Variants in SUMF1 observed in about 807,000 individuals in gnomAD.
The protein encoded by SUMF1 is sulfatase modifying factor 1.
SUMF1 carries 48 observed loss-of-function variants against 47.6 expected under a neutral mutation model. The observed-to-expected ratio is 1.01, with a 90% CI of 0.80 to 1.28. SUMF1 has a LOEUF of 1.28. Ranked by LOEUF, SUMF1 falls within the 50% of genes most tolerant of loss-of-function variation. The pLI, the probability that SUMF1 is intolerant of heterozygous loss-of-function variation, is 0.00. For missense variants in SUMF1, 571 were observed against 485.4 expected (o/e 1.18, Z -1.66); for synonymous variants, 230 against 192.1 (o/e 1.20, Z -1.63).
At chr3:4,216,984 T>C (rs1695939205) in intron 8 of SUMF1, among the ~76,000 whole-genome samples, 1 of 152,114 alleles carries the variant, frequency 6.6e-6, no homozygotes, top group Non-Finnish European at 1.5e-5. Flanking sequence ...GAACCAGAAA[T>C]ACCAGTTGAC....
intron 8 of SUMF1, among the ~76,000 whole-genome samples, chr3:4,322,823 A>C (rs1698865091): frequency 6.6e-6 from 1 of 152,176 alleles, no homozygotes; most frequent in South Asian, 2.1e-4. Context: ...CACATGTCCC[A>C]GTAACTCCCC....
chr3:4,372,588 A>G (rs1348992093), intron 8 of SUMF1, among the ~76,000 whole-genome samples: 2 of 152,186 alleles, frequency 1.3e-5, no homozygotes, highest in Non-Finnish European at 2.9e-5. Context: ...AGCCTTTACC[A>G]TAAGCTAAGC....
intron 8 of SUMF1, among the ~76,000 whole-genome samples, chr3:4,236,668 A>C (rs1696417052): frequency 6.6e-6 from 1 of 152,128 alleles, no homozygotes; most frequent in African/African-American, 2.4e-5. Context: ...GAAAGTACAG[A>C]GTTCTCATAT....
At chr3:4,403,671 A>T (rs1701285494) in intron 7 of SUMF1, among the ~76,000 whole-genome samples, 1 of 152,196 alleles carries the variant, frequency 6.6e-6, no homozygotes, top group Admixed American at 6.5e-5. Flanking sequence ...TGACACTTCA[A>T]GGAGGATTTG....
At chr3:4,329,893 C>T (rs1263438314) in intron 8 of SUMF1, among the ~76,000 whole-genome samples, 1 of 152,066 alleles carries the variant, frequency 6.6e-6, no homozygotes, top group Non-Finnish European at 1.5e-5. Flanking sequence ...ATGCTTTTAA[C>T]AATACCCAAG....
chr3:4,158,295 G>A (rs1694499192), intron 8 of SUMF1, among the ~76,000 whole-genome samples: 1 of 151,510 alleles, frequency 6.6e-6, no homozygotes. Flanking sequence ...TTATTTCATT[G>A]TGTTCAGAGA....
chr3:4,312,360 CAA>C (rs993196797), intron 8 of SUMF1, among the ~76,000 whole-genome samples: 3 of 151,926 alleles, frequency 2.0e-5, no homozygotes, highest in Non-Finnish European at 1.5e-5. Flanking sequence ...AAGAGGGAAA[CAA>C]AAGAAGTTAC....
At chr3:4,147,312 T>G (rs1369220984) in intron 8 of SUMF1, among the ~76,000 whole-genome samples, 1 of 152,182 alleles carries the variant, frequency 6.6e-6, no homozygotes, top group African/African-American at 2.4e-5. Flanking sequence ...ATCCCATTAC[T>G]GGGTATATAC....
chr3:4,205,987 G>A (rs1396594627), intron 8 of SUMF1, among the ~76,000 whole-genome samples: 1 of 152,020 alleles, frequency 6.6e-6, no homozygotes, highest in Non-Finnish European at 1.5e-5. Flanking sequence ...GATGAATCTT[G>A]CAAGGACTGA....
At chr3:4,261,292 G>C (rs1697080013) in intron 8 of SUMF1, among the ~76,000 whole-genome samples, 1 of 152,136 alleles carries the variant, frequency 6.6e-6, no homozygotes, top group African/African-American at 2.4e-5. Flanking sequence ...GGACTTACTT[G>C]AACAGTAACA....
intron 3 of SUMF1, among the ~76,000 whole-genome samples, chr3:4,420,400 T>TC (rs1701854437): frequency 6.7e-6 from 1 of 150,318 alleles, no homozygotes. Context: ...TATAAGAATT[T>TC]TTTTTTTTTT....
chr3:4,140,513 C>A (rs913409429), intron 8 of SUMF1, among the ~76,000 whole-genome samples: 10 of 152,126 alleles, frequency 6.6e-5, no homozygotes, highest in African/African-American at 2.2e-4. Context: ...CCTTTGGACT[C>A]ATCTGTTCCT....
intron 8 of SUMF1, among the ~76,000 whole-genome samples, chr3:4,161,842 C>G (rs1355440367): frequency 6.6e-6 from 1 of 151,996 alleles, no homozygotes; most frequent in Non-Finnish European, 1.5e-5. Flanking sequence ...GTCCCCTTTA[C>G]TCTTCCCTAT....
At chr3:4,356,489 G>A (rs1699620898), downstream of SUMF1, among the ~76,000 whole-genome samples, 1 of 152,092 alleles carries the variant, frequency 6.6e-6, no homozygotes, top group Non-Finnish European at 1.5e-5. Context: ...TGAGGTCCCT[G>A]GGCAAGCCAC....
At chr3:4,122,164 C>T (rs1386230022) in intron 8 of SUMF1, among the ~76,000 whole-genome samples, 3 of 152,066 alleles carry the variant, frequency 2.0e-5, no homozygotes, top group African/African-American at 7.2e-5. Flanking sequence ...GTGAATACAG[C>T]AGCAGCACTA....
chr3:4,128,806 T>C (rs1574908171), intron 8 of SUMF1, among the ~76,000 whole-genome samples: 1 of 152,062 alleles, frequency 6.6e-6, no homozygotes, highest in South Asian at 2.1e-4. Context: ...GGAAGGAACA[T>C]AGAGTTGGAT....
chr3:4,390,090 G>A (rs562205466), intron 7 of SUMF1, among the ~76,000 whole-genome samples: 1 of 152,300 alleles, frequency 6.6e-6, no homozygotes, highest in South Asian at 2.1e-4. Flanking sequence ...TTAACACCCT[G>A]TTTTAGCTGT....
Position 4,257,916 on chromosome 3 carries a change from A to C in SUMF1, c.1014+118414T>G, listed in dbSNP as rs1475048921. Among the ~76,000 whole-genome samples the C allele has an allele frequency of 9.7e-4, 147 of 151,770 alleles. 1 individual carries two copies. In the East Asian group the frequency reaches 0.011, roughly 11 times the overall value. The stretch of plus-strand genomic sequence containing the variant: ...ATGGTACTGGTACCAAAACAGAGAT[A>C]TAGATCAATGGAACAGAACAGAGCC... On this transcript the variant is annotated intron_variant and NMD_transcript_variant, in intron 8 of 12. Transcript: ENST00000448413.
chr3:4,338,258 A>T (rs1159331681), intron 8 of SUMF1, among the ~76,000 whole-genome samples: 2 of 152,050 alleles, frequency 1.3e-5, no homozygotes, highest in Non-Finnish European at 2.9e-5. Flanking sequence ...TGGCAGACAA[A>T]GTGAGACCCT....
Sources: allele counts gnomAD v4.1 joint callset (sites outside exome capture counted in the v4.1 genomes callset), GRCh38; gene constraint gnomAD v4.1.1; transcripts MANE v1.5; gene names NCBI Gene and HGNC (gene_info 2026-07-23, HGNC 2026-07-21).